LIN52: variants seen among roughly 807,000 people sequenced by gnomAD.
LIN52 encodes lin-52 DREAM MuvB core complex component, also known as protein lin-52 homolog.
A neutral mutation model predicts 18.5 loss-of-function variants in LIN52; 4 were observed. That is an observed-to-expected ratio of 0.22 (90% CI 0.11 to 0.49). LIN52 has a LOEUF of 0.49. LIN52 is among the 20% of genes least tolerant of loss of function. The pLI is 0.97. For synonymous variants in LIN52, 34 were observed against 45.5 expected (o/e 0.75, Z 1.02); for missense variants, 102 against 139.5 (o/e 0.73, Z 1.35).
chr14:74,115,492 A>T (rs1242389293), intron 5 of LIN52, among the ~76,000 whole-genome samples: 2 of 152,204 alleles, frequency 1.3e-5, no homozygotes, highest in Non-Finnish European at 2.9e-5. Context: ...TGAAATCTGC[A>T]TTGCAAATAC....
chr14:74,122,207 G>T (rs1004363204), intron 5 of LIN52, among the ~76,000 whole-genome samples: 1 of 152,094 alleles, frequency 6.6e-6, no homozygotes, highest in Non-Finnish European at 1.5e-5. Flanking sequence ...TTTTATTATG[G>T]ATTGAAAATC....
intron 5 of LIN52, among the ~76,000 whole-genome samples, chr14:74,127,307 G>T (rs79892560): frequency 6.6e-6 from 1 of 152,194 alleles, no homozygotes; most frequent in Non-Finnish European, 1.5e-5. Flanking sequence ...CTGAGAAAAA[G>T]ATATTTCGGT....
chr14:74,087,531 C>T (rs2060742306), intron 1 of LIN52, among the ~76,000 whole-genome samples: 1 of 151,800 alleles, frequency 6.6e-6, no homozygotes, highest in Non-Finnish European at 1.5e-5. Flanking sequence ...AAGTTTCACT[C>T]CTCTCCACCT....
intron 5 of LIN52, among the ~76,000 whole-genome samples, chr14:74,107,460 G>A (rs8013357): frequency 0.19 from 28,162 of 151,844 alleles, 2,821 homozygotes; most frequent in South Asian, 0.43. Flanking sequence ...TCGGTAAGCT[G>A]TCCTTCTATC....
At chr14:74,194,828 A>G (rs1268665595) in intron 5 of LIN52, among the ~76,000 whole-genome samples, 1 of 152,188 alleles carries the variant, frequency 6.6e-6, no homozygotes, top group East Asian at 1.9e-4. Context: ...TTGTAATCTT[A>G]GAGAATAAAT....
chr14:74,188,121 CAT>C (rs1374412610), intron 5 of LIN52, among the ~76,000 whole-genome samples: 2 of 152,138 alleles, frequency 1.3e-5, no homozygotes, highest in African/African-American at 4.8e-5. Context: ...CACAAAAATT[CAT>C]AGAGATTTTT....
chr14:74,113,146 A>C (rs2060940285), intron 5 of LIN52, among the ~76,000 whole-genome samples: 1 of 152,172 alleles, frequency 6.6e-6, no homozygotes, highest in African/African-American at 2.4e-5. Flanking sequence ...TAATCCCAGC[A>C]CTTTGGAAGG....
intron 5 of LIN52, among the ~76,000 whole-genome samples, chr14:74,138,014 C>T (rs1230415106): frequency 6.6e-6 from 1 of 152,160 alleles, no homozygotes; most frequent in Non-Finnish European, 1.5e-5. Flanking sequence ...CTCTATTCCA[C>T]AGTCAGAGTA....
chr14:74,095,797 G>C, intron 2 of LIN52, 151 bp from the exon 3 acceptor site: 1 of 483,718 alleles, frequency 2.1e-6, no homozygotes, highest in Non-Finnish European at 3.6e-6. Context: ...ATCTTTCTTT[G>C]AGGACTGAAA....
At chr14:74,137,459 T>C (rs1238366078) in intron 5 of LIN52, among the ~76,000 whole-genome samples, 1 of 150,528 alleles carries the variant, frequency 6.6e-6, no homozygotes, top group East Asian at 2.0e-4. Context: ...ACATTCTTGA[T>C]AAGAGAACAT....
intron 5 of LIN52, among the ~76,000 whole-genome samples, chr14:74,107,225 G>GA (rs2060902312): frequency 6.6e-6 from 1 of 152,172 alleles, no homozygotes; most frequent in African/African-American, 2.4e-5. Context: ...TGTGAAACTT[G>GA]TTGATGATCG....
In LIN52 at chr14:74,198,967, C is replaced by T. The variant is rs868231088; in HGVS notation, c.329C>T (p.Pro110Leu). Reference protein sequence around the residue: ...RGKFLNILEKPKK With the variant: ...RGKFLNILEKLKK ...AAATTCCTCAATATTCTAGAGAAGC[C>T]CAAGAAGTAGCAGCTGCTTGCGGAC... Residue 110 changes from proline (P) to leucine (L), a missense_variant, in exon 6 of 6, where the codon CCC becomes CTC. Coordinates refer to ENST00000555028, the MANE Select transcript of LIN52 (RefSeq NM_001024674.3). The T allele has an allele frequency of 4.3e-6, 7 of 1,612,382 alleles. No homozygotes were observed. The Middle Eastern group carries it at 9.9e-4, about 228-fold the overall frequency.
At chr14:74,121,534 T>C (rs1022303127) in intron 5 of LIN52, among the ~76,000 whole-genome samples, 1 of 152,202 alleles carries the variant, frequency 6.6e-6, no homozygotes, top group South Asian at 2.1e-4. Flanking sequence ...AGTGCCGAAG[T>C]TAGTTAGCAA....
At position 74,200,764 on chromosome 14, in the gene LIN52, A is replaced by G. The variant is rs2078943652; in HGVS notation, c.*1787A>G. 1 of 152,190 alleles carries G rather than the reference A, an allele frequency of 6.6e-6. No homozygotes were observed. Among genetic ancestry groups the G allele is most frequent in the Admixed American group, 6.5e-5 (1 of 15,282 alleles). The allele number at this position is 152,190 out of a possible 1,614,324, so 9.4% of individuals were successfully genotyped here. A position where few individuals can be genotyped will look rare whatever the true frequency, so the allele number is the denominator to read the frequency against. ...GCTTTGATTTTAATTTAAACTTATT[A>G]TCGATTGATATTTCTGTATCTCACT... is the stretch of plus-strand genomic sequence containing the variant. On this transcript the variant is annotated 3_prime_UTR_variant, in exon 6 of 6. Transcript: ENST00000555028.
chr14:74,155,171 G>A (rs1243166232), intron 5 of LIN52, among the ~76,000 whole-genome samples: 1 of 152,180 alleles, frequency 6.6e-6, no homozygotes, highest in East Asian at 1.9e-4. Context: ...TGTTGCTTGT[G>A]CTGCCTGTTA....
At chr14:74,195,711 T>C (rs2078908571) in intron 5 of LIN52, among the ~76,000 whole-genome samples, 1 of 152,202 alleles carries the variant, frequency 6.6e-6, no homozygotes, top group Non-Finnish European at 1.5e-5. Context: ...CCTCTGTGTC[T>C]GATGTCTTGC....
At chr14:74,180,645 A>G (rs2061314511) in intron 5 of LIN52, among the ~76,000 whole-genome samples, 1 of 152,306 alleles carries the variant, frequency 6.6e-6, no homozygotes, top group Admixed American at 6.5e-5. Flanking sequence ...ATGGGCACAC[A>G]GTAAAATGTC....
At chr14:74,088,350 C>G (rs2060749404) in intron 1 of LIN52, among the ~76,000 whole-genome samples, 1 of 151,874 alleles carries the variant, frequency 6.6e-6, no homozygotes, top group Admixed American at 6.6e-5. Context: ...CTCGGCCTCC[C>G]AAAGTGCTAG....
chr14:74,197,407 G>A (rs182264299), intron 5 of LIN52, among the ~76,000 whole-genome samples: 102 of 152,328 alleles, frequency 6.7e-4, no homozygotes, highest in Non-Finnish European at 6.0e-4. Flanking sequence ...AGGAGAGCAC[G>A]TGCTCTGGAG....
Sources: gnomAD v4.1 joint callset for allele counts (sites outside exome capture counted in the v4.1 genomes callset) on GRCh38, gnomAD v4.1.1 for gene constraint, MANE v1.5 for transcripts, NCBI Gene and HGNC (gene_info 2026-07-23, HGNC 2026-07-21) for gene names.